Variants in NRXN3 observed in about 807,000 individuals in gnomAD.
NRXN3 encodes neurexin 3.
NRXN3 carries 32 observed loss-of-function variants against 137.6 expected under a neutral mutation model. That is an observed-to-expected ratio of 0.23 (90% CI 0.18 to 0.31). The LOEUF (loss-of-function observed/expected upper bound fraction) is 0.31, where lower values mean the gene tolerates loss of function less well. Ranked by LOEUF, NRXN3 falls within the 10% of genes least tolerant of loss-of-function variation. The pLI is 1.00. For missense variants in NRXN3, 1,574 were observed against 2,062.5 expected, an observed-to-expected ratio of 0.76 and a Z score of 4.59; for synonymous variants, 798 against 784.5, an observed-to-expected ratio of 1.02 and a Z score of -0.29.
At chr14:79,552,587 ATAGT>A (rs2097384136) in intron 16 of NRXN3, among the ~76,000 whole-genome samples, 1 of 152,154 alleles carries the variant, frequency 6.6e-6, no homozygotes, top group Admixed American at 6.5e-5. Context: ...GAAAGGCCAG[ATAGT>A]TGAAGGTTAA....
chr14:79,241,853 G>T (rs2074355614), intron 15 of NRXN3, among the ~76,000 whole-genome samples: 1 of 152,082 alleles, frequency 6.6e-6, no homozygotes, highest in South Asian at 2.1e-4. Flanking sequence ...GATCACTTGA[G>T]GTCAGGAGTT....
chr14:78,273,725 G>A (rs1596618556), intron 2 of NRXN3, among the ~76,000 whole-genome samples: 1 of 152,324 alleles, frequency 6.6e-6, no homozygotes, highest in East Asian at 1.9e-4. Flanking sequence ...AGTGGGGGCA[G>A]ATTGCAGAAG....
chr14:79,037,615 C>T (rs2099618198), intron 15 of NRXN3, among the ~76,000 whole-genome samples: 1 of 152,114 alleles, frequency 6.6e-6, no homozygotes, highest in African/African-American at 2.4e-5. Context: ...GACACCTTCC[C>T]TTCCTCCTTG....
At chr14:79,353,428 C>T (rs2093304748) in intron 15 of NRXN3, among the ~76,000 whole-genome samples, 1 of 151,982 alleles carries the variant, frequency 6.6e-6, no homozygotes, top group South Asian at 2.1e-4. Context: ...TTTCTGTCAC[C>T]CTGCCTTTCC....
At chr14:79,653,920 G>T (rs549585314) in intron 16 of NRXN3, among the ~76,000 whole-genome samples, 18 of 152,224 alleles carry the variant, frequency 1.2e-4, no homozygotes, top group Admixed American at 4.6e-4. Context: ...GAATCCACCT[G>T]TGCACGTACT....
chr14:78,528,359 G>C (rs2096410941), intron 4 of NRXN3, among the ~76,000 whole-genome samples: 1 of 152,132 alleles, frequency 6.6e-6, no homozygotes, highest in Admixed American at 6.5e-5. Context: ...TGGGGTGGAG[G>C]ATTGAATTGC....
At chr14:78,830,747 C>G (rs1444477904) in intron 10 of NRXN3, among the ~76,000 whole-genome samples, 2 of 151,170 alleles carry the variant, frequency 1.3e-5, no homozygotes, top group Non-Finnish European at 2.9e-5. Flanking sequence ...TTTTGAATCT[C>G]TTCTCTAGTT....
chr14:78,799,733 C>G (rs2098832845), intron 8 of NRXN3, among the ~76,000 whole-genome samples: 2 of 152,136 alleles, frequency 1.3e-5, no homozygotes, highest in African/African-American at 4.8e-5. Flanking sequence ...CAATCACAAT[C>G]ATGGCGGAAG....
chr14:79,483,989 C>A (rs1369460158), intron 16 of NRXN3, among the ~76,000 whole-genome samples: 1 of 152,170 alleles, frequency 6.6e-6, no homozygotes, highest in African/African-American at 2.4e-5. Context: ...AGTCACTGTT[C>A]TGCTTCCTTT....
At chr14:78,328,458 C>G (rs2080379196) in intron 4 of NRXN3, among the ~76,000 whole-genome samples, 1 of 152,094 alleles carries the variant, frequency 6.6e-6, no homozygotes, top group African/African-American at 2.4e-5. Flanking sequence ...CAATAGAATT[C>G]AATTGACATA....
chr14:79,732,176 TTC>T (rs2098926375), intron 19 of NRXN3, among the ~76,000 whole-genome samples: 1 of 152,256 alleles, frequency 6.6e-6, no homozygotes, highest in African/African-American at 2.4e-5. Context: ...GCAGTGCTCA[TTC>T]TCTCTCAGCC....
intron 15 of NRXN3, among the ~76,000 whole-genome samples, chr14:79,445,232 C>T (rs887807439): frequency 2.7e-5 from 4 of 150,804 alleles, no homozygotes; most frequent in African/African-American, 4.9e-5. Context: ...CCCAGCTACT[C>T]GGGAGGCTGA....
chr14:79,515,179 G>T (rs2096970793), intron 16 of NRXN3, among the ~76,000 whole-genome samples: 1 of 150,568 alleles, frequency 6.6e-6, no homozygotes, highest in Admixed American at 6.6e-5. Context: ...GTTTATTAAG[G>T]TGTGCCTTTG....
intron 2 of NRXN3, among the ~76,000 whole-genome samples, chr14:78,255,836 C>T (rs1158517461): frequency 6.6e-6 from 1 of 152,196 alleles, no homozygotes; most frequent in African/African-American, 2.4e-5. Flanking sequence ...ATGTGTGTGC[C>T]TGTGCTCCCT....
chr14:78,712,068 A>G (rs976377068), intron 7 of NRXN3, among the ~76,000 whole-genome samples: 3 of 152,196 alleles, frequency 2.0e-5, no homozygotes, highest in Non-Finnish European at 2.9e-5. Context: ...AAGTGCATTC[A>G]AAACTGTTAT....
chr14:78,591,526 T>G (rs2097116269), intron 4 of NRXN3, among the ~76,000 whole-genome samples: 1 of 152,130 alleles, frequency 6.6e-6, no homozygotes, highest in South Asian at 2.1e-4. Flanking sequence ...AGACTCACAA[T>G]TATGTCAATC....
chr14:79,738,929 C>T (rs371694752), intron 19 of NRXN3, among the ~76,000 whole-genome samples: 3 of 152,140 alleles, frequency 2.0e-5, no homozygotes, highest in Admixed American at 2.0e-4. Context: ...TAATACAATA[C>T]TTGTGCCAAC....
At chr14:78,229,667 T>C (rs962417097) in intron 1 of NRXN3, among the ~76,000 whole-genome samples, 5 of 152,228 alleles carry the variant, frequency 3.3e-5, no homozygotes, top group African/African-American at 9.6e-5. Context: ...ATGTCTATGA[T>C]CGACTCTGTG....
Position 79,139,804 on chromosome 14 carries a change from T to G in NRXN3, c.3262+151663T>G, listed in dbSNP as rs182399961. Among the ~76,000 whole-genome samples the G allele has an allele frequency of 2.1e-3, 319 of 151,948 alleles. 1 individual carries two copies. The highest frequency in any genetic ancestry group is 1.7e-3 in the Non-Finnish European group (118 of 67,916). ...AACAAAAAATCAGTATTACTATGAT[T>G]TCAAGTCATAATCTGAATTTAACTC... On this transcript the variant is annotated intron_variant, in intron 15 of 20. Transcript: ENST00000335750.
Sources: allele counts gnomAD v4.1 joint callset (sites outside exome capture counted in the v4.1 genomes callset), GRCh38; gene constraint gnomAD v4.1.1; transcripts MANE v1.5; gene names NCBI Gene and HGNC (gene_info 2026-07-23, HGNC 2026-07-21).